The following VPS16 variants were observed in gnomAD, a reference collection of about 807,000 sequenced individuals.
The protein encoded by VPS16 is VPS16 core subunit of CORVET and HOPS complexes.
VPS16 carries 82 observed loss-of-function variants against 116.0 expected under a neutral mutation model. That is an observed-to-expected ratio of 0.71 (90% CI 0.59 to 0.85). The LOEUF is 0.85. Among genes scored for constraint, VPS16 ranks in the 40% least tolerant of loss-of-function variants. The pLI is 0.00. For missense variants in VPS16, 928 were observed against 1,090.6 expected (o/e 0.85, Z 2.10); for synonymous variants, 406 against 420.7 (o/e 0.96, Z 0.43).
At chr20:2,848,487 C>A (rs1173019036) in intron 1 of VPS16, among the ~76,000 whole-genome samples, 1 of 152,128 alleles carries the variant, frequency 6.6e-6, no homozygotes, top group Non-Finnish European at 1.5e-5. Context: ...TGAATCTAGG[C>A]CCCAAATGGA....
chr20:2,841,560 T>C (rs887489785), intron 1 of VPS16, among the ~76,000 whole-genome samples: 6 of 152,196 alleles, frequency 3.9e-5, no homozygotes, highest in African/African-American at 1.4e-4. Context: ...TCTCTCTTTA[T>C]CTCACTGAAG....
At position 2,864,684 on chromosome 20, in the gene VPS16, G is replaced by GTGGGGCGTT; in HGVS notation, c.1926+36_1926+37insGTTTGGGGC. Reference sequence around the variant, plus strand: ...GAGATCCATGGGGCGTGTGGGGCGTGTGGGGCATGTGGGCTGGGGCTGTTG... The same window carrying GTGGGGCGTT: ...GAGATCCATGGGGCGTGTGGGGCGTGTGGGGCGTTTGGGGCATGTGGGCTGGGGCTGTTG... On this transcript the variant is annotated intron_variant, in intron 19 of 23. Transcript: ENST00000380445. The surrounding 1 kb of genome is among the most constrained non-coding windows in gnomAD (Gnocchi z 5.2). 6.2e-7 allele frequency: 1 copy of GTGGGGCGTT among 1,606,502 alleles called. No homozygotes were observed. Among genetic ancestry groups the GTGGGGCGTT allele is most frequent in the Non-Finnish European group, 8.5e-7 (1 of 1,174,940 alleles).
At chr20:2,844,267 ATGTCTGAGTCAGTGAATGAATG>A (rs2089037321) in intron 1 of VPS16, among the ~76,000 whole-genome samples, 1 of 152,242 alleles carries the variant, frequency 6.6e-6, no homozygotes, top group African/African-American at 2.4e-5. Flanking sequence ...GACTTGATAC[ATGTCTGAGTCAGTGAATGAATG>A]ATAAAACAGG....
rs139002250 is a variant in VPS16 at position 2,865,618 on chromosome 20, G to A, written c.2271+123G>A. The A allele has an allele frequency of 2.9e-3, 2,605 of 884,966 alleles. 56 individuals carry two copies. In the African/African-American group the frequency reaches 0.037, roughly 13 times the overall value. The allele number at this position is 884,966 out of a possible 1,614,324, so 54.8% of individuals were successfully genotyped here. A position where few individuals can be genotyped will look rare whatever the true frequency, so the allele number is the denominator to read the frequency against. ...CTGTTCAGCTGCCCGCATAGTTAGC[G>A]AGTGCTTCCTGTATACACATTTGTG... On this transcript the variant is annotated intron_variant, in intron 22 of 23. Coordinates refer to ENST00000380445, the MANE Select transcript of VPS16 (RefSeq NM_022575.4). This position sits in a 1 kb window ranked among gnomAD's most constrained non-coding sequence, Gnocchi z 5.2.
intron 1 of VPS16, among the ~76,000 whole-genome samples, chr20:2,843,067 G>T (rs946771044): frequency 3.9e-5 from 6 of 152,028 alleles, no homozygotes; most frequent in Admixed American, 2.0e-4. Context: ...TTCCTAGATG[G>T]ACAAGTGCCC....
At chr20:2,842,730 C>CTA (rs1401889088) in intron 1 of VPS16, among the ~76,000 whole-genome samples, 4 of 78,314 alleles carry the variant, frequency 5.1e-5, no homozygotes, top group African/African-American at 2.6e-4. Flanking sequence ...ATGGATGTAT[C>CTA]TATCTATAGA....
chr20:2,863,347 TC>T lies in VPS16; in HGVS notation c.1427del (p.Pro476LeufsTer78). 1 of 1,614,196 alleles carries T rather than the reference TC, an allele frequency of 6.2e-7. No homozygotes were observed. The highest frequency in any genetic ancestry group is 1.1e-5 in the South Asian group (1 of 91,086). Reference sequence around the variant, plus strand: ...TCCAGATATGCGAGTACTTGCGCCTTCCTGAAGTACAGGGCGTCAGCAGGAT... The same window carrying T: ...TCCAGATATGCGAGTACTTGCGCCTTCTGAAGTACAGGGCGTCAGCAGGAT... The part of the protein sequence containing the change: ...AIQICEYLRL[P>X]EVQGVSRILA... On this transcript the variant is annotated frameshift_variant, in exon 15 of 24. Coordinates refer to ENST00000380445, the MANE Select transcript of VPS16 (RefSeq NM_022575.4). LOFTEE classifies it high-confidence loss of function. This position sits in a 1 kb window ranked among gnomAD's most constrained non-coding sequence, Gnocchi z 4.4.
intron 9 of VPS16, 24 bp downstream of exon 9, chr20:2,861,728 T>G (rs894493636): frequency 6.2e-7 from 1 of 1,611,892 alleles, no homozygotes; most frequent in Admixed American, 1.7e-5. Context: ...GCTGCCTGTG[T>G]GTGGAGAGAG....
In VPS16 at chr20:2,841,170, C is replaced by T. The variant is rs186797948; in HGVS notation, c.53+343C>T. ...TGCTGCTGAAGTCAGACCACAGGGG[C>T]GCTCCGAGGGGGGCGGGATCGCACG... On this transcript the variant is annotated intron_variant, in intron 1 of 23. Transcript: ENST00000380445. The T allele has an allele frequency of 5.5e-3, 1,871 of 339,434 alleles. 8 individuals are homozygous for T. Among genetic ancestry groups the T allele is most frequent in the Non-Finnish European group, 8.6e-3 (1,573 of 183,416 alleles). The allele number at this position is 339,434 out of a possible 1,614,324, so 21.0% of individuals were successfully genotyped here.
intron 1 of VPS16, among the ~76,000 whole-genome samples, chr20:2,851,969 C>T (rs937970714): frequency 9.2e-5 from 14 of 152,246 alleles, no homozygotes; most frequent in African/African-American, 3.4e-4. Flanking sequence ...GACGCTGTCT[C>T]AAAAAACCTG....
At position 2,864,747 on chromosome 20, in the gene VPS16, T is replaced by C; in HGVS notation, c.1926+93T>C. Reference sequence around the variant, plus strand: ...CAGGAATCTAGGCCTTCGTGTTGGGTGCACACTCCATCTGGTCCTCACTGT... The same window carrying C: ...CAGGAATCTAGGCCTTCGTGTTGGGCGCACACTCCATCTGGTCCTCACTGT... On this transcript the variant is annotated intron_variant, in intron 19 of 23. Coordinates refer to ENST00000380445, the MANE Select transcript of VPS16 (RefSeq NM_022575.4). This position sits in a 1 kb window ranked among gnomAD's most constrained non-coding sequence, Gnocchi z 5.2. 1 of 1,357,960 alleles carries C rather than the reference T, an allele frequency of 7.4e-7. No homozygotes were observed. Among genetic ancestry groups the C allele is most frequent in the Non-Finnish European group, 1.0e-6 (1 of 964,846 alleles). The allele number at this position is 1,357,960 out of a possible 1,614,324, so 84.1% of individuals were successfully genotyped here. A position where few individuals can be genotyped will look rare whatever the true frequency, so the allele number is the denominator to read the frequency against.
At position 2,843,229 on chromosome 20, in the gene VPS16, C is replaced by T. The variant is rs556060574; in HGVS notation, c.53+2402C>T. Among the ~76,000 whole-genome samples, 9 of 151,930 alleles carry T rather than the reference C, an allele frequency of 5.9e-5. No homozygotes were observed. The South Asian group carries it at 1.7e-3, about 28-fold the overall frequency. ...CAGGCAGATCACGAGGTCAAGAGTT[C>T]GAGATCAGCCTGGCCAACATGATGA... On this transcript the variant is annotated intron_variant, in intron 1 of 23. Transcript: ENST00000380445.
intron 11 of VPS16, 178 bp downstream of exon 11, chr20:2,862,308 A>T: frequency 3.1e-6 from 3 of 957,922 alleles, no homozygotes; most frequent in Non-Finnish European, 4.5e-6. Context: ...ATGTGGTGTG[A>T]TAGGGACGGG....
chr20:2,866,364 G>T (rs560663430), intron 23 of VPS16, 49 bp downstream of exon 23: 1 of 1,613,990 alleles, frequency 6.2e-7, no homozygotes, highest in Admixed American at 1.7e-5. Flanking sequence ...GCTGTGGGCT[G>T]GTGAGAGGCA....
intron 1 of VPS16, chr20:2,841,177 AG>A: frequency 1.2e-5 from 4 of 331,050 alleles, no homozygotes; most frequent in Non-Finnish European, 1.7e-5. Flanking sequence ...GGGCGCTCCG[AG>A]GGGGGCGGGA....
intron 1 of VPS16, chr20:2,841,297 C>T: frequency 5.4e-6 from 1 of 185,278 alleles, no homozygotes; most frequent in Non-Finnish European, 1.1e-5. Flanking sequence ...GGGCAGCCCG[C>T]CCATGGGAGT....
chr20:2,847,679 A>G (rs1599976010), intron 1 of VPS16, among the ~76,000 whole-genome samples: 1 of 151,916 alleles, frequency 6.6e-6, no homozygotes, highest in Non-Finnish European at 1.5e-5. Flanking sequence ...AGGTTTCACC[A>G]TGTTGGTAAG....
intron 10 of VPS16, 36 bp from the exon 11 acceptor site, chr20:2,862,018 T>G: frequency 1.2e-6 from 2 of 1,611,796 alleles, no homozygotes; most frequent in Non-Finnish European, 8.5e-7. Context: ...AGGGTTTCCC[T>G]GCCTTTCTCC....
At chr20:2,859,937 T>C in intron 2 of VPS16, 117 bp from the exon 3 acceptor site, 1 of 1,503,184 alleles carries the variant, frequency 6.7e-7, no homozygotes, top group African/African-American at 1.4e-5. Context: ...TGCTTTTACT[T>C]CTGGTTTTTA....
Sources: allele counts gnomAD v4.1 joint callset (sites outside exome capture counted in the v4.1 genomes callset), GRCh38; gene constraint gnomAD v4.1.1; non-coding constraint Gnocchi (gnomAD v3.1); transcripts MANE v1.5; gene names NCBI Gene and HGNC (gene_info 2026-07-23, HGNC 2026-07-21).